ATAD3A: variants seen among roughly 807,000 people sequenced by gnomAD.
ATAD3A encodes ATPase family AAA domain-containing protein 3A.
Under a neutral mutation model 73.8 loss-of-function variants are expected in ATAD3A, and 46 were observed. That is an observed-to-expected ratio of 0.62 (90% CI 0.49 to 0.80). ATAD3A has a LOEUF of 0.80. Ranked by LOEUF, ATAD3A falls within the 30% of genes least tolerant of loss-of-function variation. The pLI, the probability that ATAD3A is intolerant of heterozygous loss-of-function variation, is 0.00. For synonymous variants in ATAD3A, 319 were observed against 350.0 expected (o/e 0.91, Z 0.99); for missense variants, 705 against 838.0 (o/e 0.84, Z 1.96).
chr1:1,524,044 C>A, intron 10 of ATAD3A, 80 bp downstream of exon 10: 1 of 1,607,278 alleles, frequency 6.2e-7, no homozygotes, highest in Non-Finnish European at 8.5e-7. Flanking sequence ...GGCTCAGCTG[C>A]CTGGGGAATG....
In ATAD3A at chr1:1,534,247, C is replaced by T. The variant is rs1398180381; in HGVS notation, c.*175C>T. 1 of 1,491,244 alleles carries T rather than the reference C, an allele frequency of 6.7e-7. No homozygotes were observed. The highest frequency in any genetic ancestry group is 8.9e-7 in the Non-Finnish European group (1 of 1,124,816). 92.4% of individuals were successfully genotyped at this position (1,491,244 alleles called of 1,614,324 possible). On this transcript the variant is annotated 3_prime_UTR_variant, in exon 16 of 16. Coordinates refer to ENST00000378756, the MANE Select transcript of ATAD3A (RefSeq NM_001170535.3). Reference sequence around the variant, plus strand: ...TCGGCCGTTCTGCCCCCCAGGGCACCCCCTGTTGTAGGCACTGGCTAGGGA... The same window carrying T: ...TCGGCCGTTCTGCCCCCCAGGGCACTCCCTGTTGTAGGCACTGGCTAGGGA...
rs376072450 is a variant in ATAD3A at position 1,527,958 on chromosome 1, C to CTT, written c.1505+113_1505+114dup. The CTT allele has an allele frequency of 9.9e-3, 9,610 of 970,932 alleles. 18 individuals are homozygous for CTT. Among genetic ancestry groups the CTT allele is most frequent in the African/African-American group, 0.018 (943 of 52,610 alleles). 60.1% of individuals were successfully genotyped at this position (970,932 alleles called of 1,614,324 possible). On this transcript the variant is annotated intron_variant, in intron 14 of 15. Coordinates refer to ENST00000378756, the MANE Select transcript of ATAD3A (RefSeq NM_001170535.3). ...CATCACTTACAAACCTTTAACATTC[C>CTT]TTTTTTTTTTTTTTTTTTGAGACAA...
chr1:1,515,039 C>CT (rs894705780), intron 1 of ATAD3A, among the ~76,000 whole-genome samples: 5 of 152,054 alleles, frequency 3.3e-5, no homozygotes, highest in Non-Finnish European at 7.3e-5. Context: ...GTGCCCTGCT[C>CT]TTTTTTTGTC....
In ATAD3A at chr1:1,527,845, G is replaced by C; in HGVS notation, c.1488G>C (p.Pro496=). Reference sequence around the variant, plus strand: ...ATTTTGACAAGTATGTTCTTAAGCCGGCCACAGAAGGAAAGCAGTAAGTGT... The same window carrying C: ...ATTTTGACAAGTATGTTCTTAAGCCCGCCACAGAAGGAAAGCAGTAAGTGT... ...RMYFDKYVLK[P]ATEGKQRLKL... Residue 496 remains proline (P), a synonymous_variant, in exon 14 of 16, where the codon CCG becomes CCC. Coordinates refer to ENST00000378756, the MANE Select transcript of ATAD3A (RefSeq NM_001170535.3). 1.2e-6 allele frequency: 2 copies of C among 1,613,264 alleles called. No individual in the cohort carries two copies. The highest frequency in any genetic ancestry group is 8.5e-7 in the Non-Finnish European group (1 of 1,179,608).
chr1:1,517,976 T>C (rs2801369), intron 4 of ATAD3A, among the ~76,000 whole-genome samples: 13,368 of 150,986 alleles, frequency 0.089, 939 homozygotes, highest in African/African-American at 0.21. Flanking sequence ...CACATGTACA[T>C]GGAGACACAG....
intron 11 of ATAD3A, among the ~76,000 whole-genome samples, 195 bp from the exon 12 acceptor site, chr1:1,525,045 A>T (rs552187881): frequency 1.5e-4 from 23 of 152,186 alleles, no homozygotes; most frequent in Middle Eastern, 6.8e-3. Context: ...CGGCCTTCTG[A>T]GGCTGGGCCG....
chr1:1,531,296 C>T (rs1229042921), intron 15 of ATAD3A, among the ~76,000 whole-genome samples: 1 of 151,504 alleles, frequency 6.6e-6, no homozygotes, highest in African/African-American at 2.4e-5. Context: ...ACTAAAAATA[C>T]AAAAATTAGC....
chr1:1,516,100 C>T lies in ATAD3A; in HGVS notation c.282+12C>T, dbSNP rs376012620. On this transcript the variant is annotated intron_variant, in intron 2 of 15. Coordinates refer to ENST00000378756, the MANE Select transcript of ATAD3A (RefSeq NM_001170535.3). ...AGTCCAAGCTCAAAGTGAGTGGGGC[C>T]GGTGTGGGTGGGGAGGCCGGGGCGC... The T allele has an allele frequency of 1.8e-4, 298 of 1,612,892 alleles. No homozygotes were observed. Among genetic ancestry groups the T allele is most frequent in the East Asian group, 5.6e-4 (25 of 44,882 alleles).
At chr1:1,525,208 C>G (rs759197355) in intron 11 of ATAD3A, 32 bp from the exon 12 acceptor site, 3 of 1,613,042 alleles carry the variant, frequency 1.9e-6, no homozygotes, top group Non-Finnish European at 2.5e-6. Flanking sequence ...TGGTGTCACT[C>G]TCGCCCTGCT....
chr1:1,532,243 A>T (rs1642056121), intron 15 of ATAD3A, among the ~76,000 whole-genome samples: 1 of 152,050 alleles, frequency 6.6e-6, no homozygotes, highest in Admixed American at 6.6e-5. Flanking sequence ...GGATATTGGC[A>T]TGTCATTTTT....
At chr1:1,514,170 C>T (rs1423187973) in intron 1 of ATAD3A, among the ~76,000 whole-genome samples, 3 of 152,188 alleles carry the variant, frequency 2.0e-5, no homozygotes, top group African/African-American at 7.2e-5. Context: ...GGCACCTGAC[C>T]TGCTCTTTCC....
rs1642160624 is a variant in ATAD3A at position 1,534,505 on chromosome 1, GCCTGAAC to G, written c.*438_*444del. 1 of 730,286 alleles carries G rather than the reference GCCTGAAC, an allele frequency of 1.4e-6. No homozygotes were observed. Among genetic ancestry groups the G allele is most frequent in the African/African-American group, 1.8e-5 (1 of 55,122 alleles). The allele number at this position is 730,286 out of a possible 1,614,324, so 45.2% of individuals were successfully genotyped here. On this transcript the variant is annotated 3_prime_UTR_variant, in exon 16 of 16. Coordinates refer to ENST00000378756, the MANE Select transcript of ATAD3A (RefSeq NM_001170535.3). ...GCCAGGGCCAGACCCAGGTGGGGCA[GCCTGAAC>G]CCTGCTTCCCCCTGTGGCCGGCATG...
chr1:1,534,175 G>A lies in ATAD3A; in HGVS notation c.*103G>A, dbSNP rs1264294951. 3.3e-5 allele frequency: 53 copies of A among 1,589,100 alleles called. No individual in the cohort carries two copies. The highest frequency in any genetic ancestry group is 4.4e-5 in the Non-Finnish European group (51 of 1,168,830). ...TAGGATATGCTCCTGGGTGGGGACT[G>A]GGCTGTGCCCAGGGCCTCTGTCCCC... On this transcript the variant is annotated 3_prime_UTR_variant, in exon 16 of 16. Transcript: ENST00000378756.
At chr1:1,527,941 A>C in intron 14 of ATAD3A, 79 bp downstream of exon 14, 1 of 1,438,270 alleles carries the variant, frequency 7.0e-7, no homozygotes, top group South Asian at 1.4e-5. Context: ...ACCATCACTT[A>C]CAAACCTTTA....
chr1:1,531,142 C>T (rs6680787), intron 15 of ATAD3A, among the ~76,000 whole-genome samples: 16,737 of 151,412 alleles, frequency 0.11, 2,137 homozygotes, highest in East Asian at 0.3. Flanking sequence ...TGAGCAATAG[C>T]GTGAGACTCC....
chr1:1,516,719 ATAT>A (rs1257566049), intron 2 of ATAD3A, among the ~76,000 whole-genome samples: 1 of 150,930 alleles, frequency 6.6e-6, no homozygotes, highest in Admixed American at 6.6e-5. Flanking sequence ...GCCTTGTTTC[ATAT>A]TATTATTTTT....
rs1642153240 is a variant in ATAD3A at position 1,534,352 on chromosome 1, T to A, written c.*280T>A. The A allele has an allele frequency of 3.6e-6, 5 of 1,398,090 alleles. No individual in the cohort carries two copies. The highest frequency in any genetic ancestry group is 4.6e-6 in the Non-Finnish European group (5 of 1,079,064). The allele number at this position is 1,398,090 out of a possible 1,614,324, so 86.6% of individuals were successfully genotyped here. ...CTGGCTCACAGGGGGAGGGTGAGGC[T>A]TTGCACCCCAGCCCCTGCCCAGGCC... On this transcript the variant is annotated 3_prime_UTR_variant, in exon 16 of 16. Coordinates refer to ENST00000378756, the MANE Select transcript of ATAD3A (RefSeq NM_001170535.3).
intron 14 of ATAD3A, among the ~76,000 whole-genome samples, chr1:1,528,952 G>A (rs1286794761): frequency 6.6e-6 from 1 of 152,244 alleles, no homozygotes; most frequent in Non-Finnish European, 1.5e-5. Context: ...CAGCATAAAG[G>A]CCACCTGCCC....
rs1207394833 is a variant in ATAD3A at position 1,534,561 on chromosome 1, A to T, written c.*489A>T. The T allele has an allele frequency of 3.3e-6, 1 of 307,188 alleles. No individual in the cohort carries two copies. The highest frequency in any genetic ancestry group is 2.2e-5 in the African/African-American group (1 of 45,426). 19.0% of individuals were successfully genotyped at this position (307,188 alleles called of 1,614,324 possible). On this transcript the variant is annotated 3_prime_UTR_variant, in exon 16 of 16. Coordinates refer to ENST00000378756, the MANE Select transcript of ATAD3A (RefSeq NM_001170535.3). The stretch of plus-strand genomic sequence containing the variant: ...TGCCCCGATCTTTCACACACTGGTG[A>T]CCCTGAGAGAGGAGGGAGGAGGGAA...
Sources: gnomAD v4.1 joint callset for allele counts (sites outside exome capture counted in the v4.1 genomes callset) on GRCh38, gnomAD v4.1.1 for gene constraint, MANE v1.5 for transcripts, NCBI Gene and HGNC (gene_info 2026-07-23, HGNC 2026-07-21) for gene names.